Variants in OPRM1 observed in about 807,000 individuals in gnomAD.
The protein encoded by OPRM1 is opioid receptor mu 1.
A neutral mutation model predicts 31.8 loss-of-function variants in OPRM1; 27 were observed. The ratio of observed to expected loss-of-function variants is 0.85; its 90% confidence interval spans 0.63 to 1.17. The LOEUF is 1.17. Ranked by LOEUF, OPRM1 falls within the 50% of genes most tolerant of loss-of-function variation. The probability of loss-of-function intolerance (pLI) is 0.00; values close to 1 mark genes in which losing one functional copy is unlikely to be tolerated. For missense variants in OPRM1, 536 were observed against 511.1 expected (o/e 1.05, Z -0.47); for synonymous variants, 196 against 189.9 (o/e 1.03, Z -0.26).
In OPRM1 at chr6:154,124,841, C is replaced by T. The variant is rs1797495616; in HGVS notation, c.*6120C>T. 6.6e-6 allele frequency among the ~76,000 whole-genome samples: 1 copy of T among 152,206 alleles called. No individual in the cohort carries two copies. Among genetic ancestry groups the T allele is most frequent in the Non-Finnish European group, 1.5e-5 (1 of 68,032 alleles). On this transcript the variant is annotated 3_prime_UTR_variant, in exon 4 of 4. Coordinates refer to ENST00000330432, the MANE Select transcript of OPRM1 (RefSeq NM_000914.5). The stretch of plus-strand genomic sequence containing the variant: ...CTACCATTGGAATTATTTGCCAACA[C>T]ACCTTGCTGCTACTTAGAGAAAGTA...
chr6:154,140,618 C>G (rs758179942), intron 3 of OPRM1, among the ~76,000 whole-genome samples: 44 of 152,176 alleles, frequency 2.9e-4, no homozygotes, highest in Non-Finnish European at 4.6e-4. Context: ...GTGTGAGCAG[C>G]CCCGCCTGGC....
intron 1 of OPRM1, chr6:154,087,602 A>G: frequency 1.0e-6 from 1 of 984,978 alleles, no homozygotes; most frequent in Non-Finnish European, 1.2e-6. Context: ...GAAAACTAAT[A>G]CACTCTTTGT....
chr6:154,078,007 A>C (rs1788264466), intron 1 of OPRM1, among the ~76,000 whole-genome samples: 1 of 152,140 alleles, frequency 6.6e-6, no homozygotes, highest in Non-Finnish European at 1.5e-5. Context: ...GCATTCCGCA[A>C]ATTTGACCAC....
At chr6:154,020,685 T>TA (rs1310114832) in intron 1 of OPRM1, among the ~76,000 whole-genome samples, 3 of 152,342 alleles carry the variant, frequency 2.0e-5, no homozygotes, top group Middle Eastern at 3.4e-3. Flanking sequence ...TGAGAGTTCT[T>TA]ACCGCACCAG....
At chr6:154,233,380 A>G (rs1184294968) in intron 3 of OPRM1, among the ~76,000 whole-genome samples, 4 of 152,152 alleles carry the variant, frequency 2.6e-5, no homozygotes, top group African/African-American at 9.7e-5. Context: ...ATACTAGTAA[A>G]CTTACCATAT....
intron 3 of OPRM1, chr6:154,159,294 G>C (rs966813334): frequency 6.3e-6 from 1 of 159,518 alleles, no homozygotes; most frequent in Non-Finnish European, 1.4e-5. Context: ...ACATGGAAAA[G>C]GCACCACCAT....
chr6:154,022,469 G>A (rs1443258968), intron 1 of OPRM1, among the ~76,000 whole-genome samples: 1 of 126,962 alleles, frequency 7.9e-6, no homozygotes, highest in Non-Finnish European at 1.6e-5. Flanking sequence ...CTTGTCAGAT[G>A]AGTAGTTTGC....
chr6:154,225,303 C>T (rs998410725), intron 3 of OPRM1, among the ~76,000 whole-genome samples: 1 of 152,140 alleles, frequency 6.6e-6, no homozygotes, highest in African/African-American at 2.4e-5. Flanking sequence ...CAGCCCTGTT[C>T]ACAAAGCACT....
intron 3 of OPRM1, chr6:154,221,462 T>C: frequency 1.5e-6 from 1 of 681,566 alleles, no homozygotes; most frequent in Non-Finnish European, 2.5e-6. Flanking sequence ...AATAATTTAG[T>C]AATATTAGAT....
At chr6:154,245,258 T>C (rs1028594448) in intron 3 of OPRM1, among the ~76,000 whole-genome samples, 5 of 151,446 alleles carry the variant, frequency 3.3e-5, no homozygotes, top group Non-Finnish European at 5.9e-5. Context: ...AAAACTTTGA[T>C]AAAGTTGTTA....
intron 3 of OPRM1, among the ~76,000 whole-genome samples, chr6:154,171,723 G>C (rs1400344692): frequency 6.6e-6 from 1 of 152,210 alleles, no homozygotes; most frequent in African/African-American, 2.4e-5. Context: ...CACAGTCATG[G>C]GGTCAAGCTG....
chr6:154,140,767 T>C (rs577130436), intron 3 of OPRM1, among the ~76,000 whole-genome samples: 2 of 152,296 alleles, frequency 1.3e-5, no homozygotes, highest in Non-Finnish European at 2.9e-5. Context: ...CCCTACCCTA[T>C]TGACGGCCTG....
chr6:154,213,535 A>T (rs1037834631), intron 3 of OPRM1, among the ~76,000 whole-genome samples: 35 of 152,160 alleles, frequency 2.3e-4, no homozygotes, highest in African/African-American at 8.5e-4. Flanking sequence ...CCACTTTTCC[A>T]TTTCTAACTA....
downstream of OPRM1, among the ~76,000 whole-genome samples, chr6:154,137,036 C>T (rs1376650497): frequency 1.3e-5 from 2 of 152,170 alleles, no homozygotes; most frequent in Non-Finnish European, 2.9e-5. Flanking sequence ...CTCATTTAAT[C>T]TTCACGACAA....
chr6:154,221,378 A>G (rs1021691008), intron 3 of OPRM1: 6 of 1,394,314 alleles, frequency 4.3e-6, no homozygotes, highest in South Asian at 1.2e-5. Context: ...TTTATAGTCA[A>G]CAATGGGTCT....
rs964755419 is a variant in OPRM1 at position 154,125,228 on chromosome 6, T to A, written c.*6507T>A. On this transcript the variant is annotated 3_prime_UTR_variant, in exon 4 of 4. Coordinates refer to ENST00000330432, the MANE Select transcript of OPRM1 (RefSeq NM_000914.5). ...GATTTTGAAAGAACAGTAATACTAA[T>A]TATATCCCATGTAAGGGGCTACTGA... 6.6e-6 allele frequency among the ~76,000 whole-genome samples: 1 copy of A among 152,226 alleles called. No individual in the cohort carries two copies. Among genetic ancestry groups the A allele is most frequent in the African/African-American group, 2.4e-5 (1 of 41,470 alleles).
At chr6:154,010,498 C>T, upstream of OPRM1, 1 of 1,540,420 alleles carries the variant, frequency 6.5e-7, no homozygotes, top group Non-Finnish European at 8.8e-7. Context: ...CTTTGTTTGT[C>T]TTCCTGTAAA....
chr6:154,192,852 G>A (rs531001590), intron 3 of OPRM1, among the ~76,000 whole-genome samples: 115 of 152,132 alleles, frequency 7.6e-4, no homozygotes, highest in African/African-American at 2.7e-3. Flanking sequence ...AAGAATGTCC[G>A]TAACTAAAAA....
chr6:154,244,370 CA>C (rs1780864330), intron 3 of OPRM1, among the ~76,000 whole-genome samples: 1 of 151,126 alleles, frequency 6.6e-6, no homozygotes, highest in Non-Finnish European at 1.5e-5. Flanking sequence ...CCCTACATAC[CA>C]TTAGTTTTAT....
Sources: allele counts gnomAD v4.1 joint callset (sites outside exome capture counted in the v4.1 genomes callset), GRCh38; gene constraint gnomAD v4.1.1; transcripts MANE v1.5; gene names NCBI Gene and HGNC (gene_info 2026-07-23, HGNC 2026-07-21).